Variants in HERC3 observed in about 807,000 individuals in gnomAD.
HERC3 encodes the protein HECT and RLD domain containing E3 ubiquitin protein ligase 3.
Under a neutral mutation model 129.9 loss-of-function variants are expected in HERC3, and 58 were observed. The observed-to-expected ratio is 0.45, with a 90% CI of 0.36 to 0.56. The LOEUF (loss-of-function observed/expected upper bound fraction) is 0.56, where lower values mean the gene tolerates loss of function less well. HERC3 is among the 20% of genes least tolerant of loss of function. HERC3 has a pLI of 0.00. For synonymous variants in HERC3, 430 were observed against 451.0 expected (o/e 0.95, Z 0.59); for missense variants, 835 against 1,244.2 (o/e 0.67, Z 4.95).
At chr4:88,564,986 C>A in the HERC3 span, among the ~76,000 whole-genome samples, 1 of 151,978 alleles carries the variant, frequency 6.6e-6, no homozygotes, top group South Asian at 2.1e-4. Context: ...ACCCAATATG[C>A]TTCTGGTCAT....
chr4:88,704,946 C>T (rs902889172), intron 25 of HERC3, among the ~76,000 whole-genome samples: 6 of 150,780 alleles, frequency 4.0e-5, no homozygotes, highest in Non-Finnish European at 7.4e-5. Flanking sequence ...CTGCAACCTC[C>T]GCCTCCTGGA....
chr4:88,691,972 A>G (rs941321314), intron 23 of HERC3, among the ~76,000 whole-genome samples: 1 of 152,262 alleles, frequency 6.6e-6, no homozygotes, highest in Non-Finnish European at 1.5e-5. Context: ...TGCCAGAGGA[A>G]TACCAATTCT....
At chr4:88,546,356 A>G in the HERC3 span, among the ~76,000 whole-genome samples, 1 of 152,216 alleles carries the variant, frequency 6.6e-6, no homozygotes, top group Non-Finnish European at 1.5e-5. Flanking sequence ...ATAAGGCTGT[A>G]TCTAACTTCA....
At chr4:88,531,271 C>G in the HERC3 span, among the ~76,000 whole-genome samples, 1 of 151,696 alleles carries the variant, frequency 6.6e-6, no homozygotes, top group Non-Finnish European at 1.5e-5. Flanking sequence ...TTGAACTGGC[C>G]TCAAGCTGTC....
At chr4:88,589,331 C>T (rs1354080514), upstream of HERC3, among the ~76,000 whole-genome samples, 3 of 152,150 alleles carry the variant, frequency 2.0e-5, no homozygotes, top group African/African-American at 7.2e-5. Context: ...GATGCTCTTG[C>T]CTCAGCCTGT....
chr4:88,568,014 C>T, the HERC3 span, among the ~76,000 whole-genome samples: 1 of 152,328 alleles, frequency 6.6e-6, no homozygotes, highest in Non-Finnish European at 1.5e-5. Flanking sequence ...AGAGGCCACC[C>T]CAAAGCTAGT....
At chr4:88,615,671 A>G (rs1019793370) in intron 3 of HERC3, among the ~76,000 whole-genome samples, 10 of 152,198 alleles carry the variant, frequency 6.6e-5, no homozygotes, top group South Asian at 6.2e-4. Flanking sequence ...TGTAGATAAT[A>G]ATGTCTACTT....
chr4:88,572,536 T>C, the HERC3 span, among the ~76,000 whole-genome samples: 10 of 151,954 alleles, frequency 6.6e-5, no homozygotes, highest in Admixed American at 6.6e-5. Flanking sequence ...TTTGGCCGAG[T>C]GTGGTGGCTC....
intron 2 of HERC3, among the ~76,000 whole-genome samples, chr4:88,596,726 G>T (rs1722435035): frequency 6.6e-6 from 1 of 152,202 alleles, no homozygotes; most frequent in South Asian, 2.1e-4. Flanking sequence ...ACAATAAAAG[G>T]ACAGAAGCAG....
At chr4:88,702,470 CCAT>C (rs780579731) in intron 23 of HERC3, among the ~76,000 whole-genome samples, 14 of 152,170 alleles carry the variant, frequency 9.2e-5, no homozygotes, top group Non-Finnish European at 1.6e-4. Flanking sequence ...TACATAAATG[CCAT>C]CATATTTTAC....
At chr4:88,647,482 A>C (rs935225437) in intron 3 of HERC3, among the ~76,000 whole-genome samples, 5 of 152,082 alleles carry the variant, frequency 3.3e-5, no homozygotes, top group Non-Finnish European at 7.4e-5. Context: ...GTTAGAGTGG[A>C]GTCTGAGCCA....
intron 3 of HERC3, among the ~76,000 whole-genome samples, chr4:88,642,674 A>C (rs998521340): frequency 1.3e-5 from 2 of 152,144 alleles, no homozygotes; most frequent in African/African-American, 4.8e-5. Flanking sequence ...CCAGCCCTCT[A>C]TGGTCTCTTT....
the HERC3 span, among the ~76,000 whole-genome samples, chr4:88,558,730 G>C: frequency 6.6e-6 from 1 of 152,036 alleles, no homozygotes; most frequent in Non-Finnish European, 1.5e-5. Context: ...TTGGGAGGCC[G>C]AGGCGGGCGG....
chr4:88,631,752 C>T (rs914836694), intron 3 of HERC3, among the ~76,000 whole-genome samples: 1 of 152,070 alleles, frequency 6.6e-6, no homozygotes, highest in Admixed American at 6.6e-5. Context: ...CCAAATTGAA[C>T]AGTTTTTGGA....
At chr4:88,548,225 G>T in the HERC3 span, among the ~76,000 whole-genome samples, 1 of 152,170 alleles carries the variant, frequency 6.6e-6, no homozygotes, top group Non-Finnish European at 1.5e-5. Context: ...CCTAGGATTA[G>T]AATTGGTGGC....
At chr4:88,532,942 G>A in the HERC3 span, among the ~76,000 whole-genome samples, 2 of 152,104 alleles carry the variant, frequency 1.3e-5, no homozygotes, top group Non-Finnish European at 2.9e-5. Flanking sequence ...TATACGAAAC[G>A]GACTTTATTA....
At chr4:88,683,654 G>A (rs1034516224) in intron 21 of HERC3, among the ~76,000 whole-genome samples, 2 of 152,238 alleles carry the variant, frequency 1.3e-5, no homozygotes, top group Non-Finnish European at 2.9e-5. Flanking sequence ...AGAAGAAAGT[G>A]TGAATGAGAG....
chr4:88,628,589 C>G (rs1050827401), intron 3 of HERC3, among the ~76,000 whole-genome samples: 1 of 152,056 alleles, frequency 6.6e-6, no homozygotes, highest in Non-Finnish European at 1.5e-5. Context: ...GATCCCAATG[C>G]AGGGATGTTT....
At chr4:88,556,692 C>T in the HERC3 span, among the ~76,000 whole-genome samples, 1 of 152,166 alleles carries the variant, frequency 6.6e-6, no homozygotes, top group African/African-American at 2.4e-5. Context: ...TCTACCACCA[C>T]AGCCATCTTC....
Sources: allele counts gnomAD v4.1 joint callset (sites outside exome capture counted in the v4.1 genomes callset), GRCh38; gene constraint gnomAD v4.1.1; transcripts MANE v1.5; gene names NCBI Gene and HGNC (gene_info 2026-07-23, HGNC 2026-07-21).